Variants in LTBP1 observed in about 807,000 individuals in gnomAD.
The protein encoded by LTBP1 is latent transforming growth factor beta binding protein 1.
In LTBP1, 129 loss-of-function variants were observed where a neutral mutation model predicts 207.6. The observed-to-expected ratio is 0.62, with a 90% CI of 0.54 to 0.72. The LOEUF (loss-of-function observed/expected upper bound fraction) is 0.72. Among genes scored for constraint, LTBP1 ranks in the 30% least tolerant of loss-of-function variants. The probability of loss-of-function intolerance (pLI) is 0.00; values close to 1 mark genes in which losing one functional copy is unlikely to be tolerated. For synonymous variants in LTBP1, 963 were observed against 833.7 expected, an observed-to-expected ratio of 1.16 and a Z score of -2.67; for missense variants, 2,281 against 2,217.2, an observed-to-expected ratio of 1.03 and a Z score of -0.58.
rs1169451763 is a variant in LTBP1, at chr2:33,301,535, C to T, written c.3372C>T (p.Cys1124=). Residue 1124 remains cysteine (C), a synonymous_variant, in exon 22 of 34, where the codon TGC becomes TGT. Transcript: ENST00000404816. ...TCTTGCTCATAGACATTGATGAATG[C>T]CAGCACCGTCATCTCTGTGCTCATG... ...AKDQCEDIDE[C]QHRHLCAHGQ... 2 of 1,598,566 alleles carry T rather than the reference C, an allele frequency of 1.3e-6. No individual in the cohort carries two copies. The highest frequency in any genetic ancestry group is 8.5e-7 in the Non-Finnish European group (1 of 1,174,846).
rs752496081 is a variant in LTBP1 at position 33,300,438 on chromosome 2, G to T, written c.3236-13G>T. ...TCTCTTTTTCAGAAAAATTGCCGTT[G>T]TTGTGTTTGCAGATATTGATGAATG... On this transcript the variant is annotated splice_polypyrimidine_tract_variant and intron_variant, in intron 20 of 33. Transcript: ENST00000404816. 4 of 1,611,522 alleles carry T rather than the reference G, an allele frequency of 2.5e-6. No homozygotes were observed. The highest frequency in any genetic ancestry group is 8.5e-7 in the Non-Finnish European group (1 of 1,178,394).
chr2:33,156,287 A>G (rs941106705), intron 5 of LTBP1, among the ~76,000 whole-genome samples: 2 of 152,194 alleles, frequency 1.3e-5, no homozygotes, highest in African/African-American at 4.8e-5. Context: ...ATGTTGTCTC[A>G]TAGCTAACTC....
At chr2:33,375,700 T>G (rs1266324837) in intron 31 of LTBP1, among the ~76,000 whole-genome samples, 4 of 148,904 alleles carry the variant, frequency 2.7e-5, no homozygotes, top group Non-Finnish European at 5.9e-5. Flanking sequence ...GCTAATTTTT[T>G]TGTATTTTTT....
intron 9 of LTBP1, among the ~76,000 whole-genome samples, chr2:33,224,633 T>G (rs79225012): frequency 6.6e-6 from 1 of 152,202 alleles, no homozygotes; most frequent in East Asian, 1.9e-4. Flanking sequence ...AGATTTCCCA[T>G]TACTACTTTG....
At chr2:32,961,410 T>A (rs543080654) in intron 2 of LTBP1, among the ~76,000 whole-genome samples, 109 of 152,234 alleles carry the variant, frequency 7.2e-4, no homozygotes, top group Admixed American at 1.6e-3. Context: ...GTACTAAATT[T>A]AAAAAAATGT....
intron 2 of LTBP1, among the ~76,000 whole-genome samples, chr2:32,986,784 A>G (rs72791721): frequency 0.097 from 14,739 of 152,190 alleles, 946 homozygotes; most frequent in Non-Finnish European, 0.14. Flanking sequence ...TGTGACATCA[A>G]AATGACACCA....
rs189457011 is a variant in LTBP1 at position 33,394,930 on chromosome 2, T to C, written c.4835-2203T>C. On this transcript the variant is annotated intron_variant, in intron 32 of 33. Coordinates refer to ENST00000404816, the MANE Select transcript of LTBP1 (RefSeq NM_206943.4). The stretch of plus-strand genomic sequence containing the variant: ...TGAGAACATGTGGTATTTGGTATTC[T>C]GTTCCTGCGTTAGTTTGCTAAGGAT... 3.5e-3 allele frequency among the ~76,000 whole-genome samples: 529 copies of C among 152,364 alleles called. 2 individuals are homozygous for C. Among genetic ancestry groups the C allele is most frequent in the Non-Finnish European group, 6.1e-3 (415 of 68,032 alleles).
At chr2:33,020,868 T>C (rs772811612) in intron 2 of LTBP1, 41 bp from the exon 3 acceptor site, 2 of 1,522,946 alleles carry the variant, frequency 1.3e-6, no homozygotes, top group Non-Finnish European at 8.8e-7. Flanking sequence ...AAGTCTACAA[T>C]GTTGTTCTTC....
At chr2:33,075,008 A>G (rs1340189877) in intron 3 of LTBP1, among the ~76,000 whole-genome samples, 1 of 152,158 alleles carries the variant, frequency 6.6e-6, no homozygotes, top group African/African-American at 2.4e-5. Context: ...CTGAGATCAC[A>G]CCACTGCACT....
intron 11 of LTBP1, among the ~76,000 whole-genome samples, chr2:33,255,444 A>G (rs887144449): frequency 2.0e-5 from 3 of 152,120 alleles, no homozygotes; most frequent in African/African-American, 7.2e-5. Flanking sequence ...GGGATCTAGA[A>G]CTAGAAATAC....
At chr2:33,332,521 T>C (rs2094507977) in intron 24 of LTBP1, among the ~76,000 whole-genome samples, 1 of 151,652 alleles carries the variant, frequency 6.6e-6, no homozygotes, top group Non-Finnish European at 1.5e-5. Flanking sequence ...TTCTTAATAG[T>C]TTTTAGCATT....
At chr2:33,305,733 T>G (rs1241054880) in intron 22 of LTBP1, among the ~76,000 whole-genome samples, 3 of 152,042 alleles carry the variant, frequency 2.0e-5, no homozygotes, top group Non-Finnish European at 4.4e-5. Context: ...CCTCCAACAT[T>G]TAGAAGTGAG....
At chr2:33,058,873 A>G (rs1316411832) in intron 3 of LTBP1, among the ~76,000 whole-genome samples, 1 of 152,248 alleles carries the variant, frequency 6.6e-6, no homozygotes, top group African/African-American at 2.4e-5. Context: ...AGTGCTGAAT[A>G]TGACCTGCAC....
chr2:33,361,905 CTG>C (rs1269436909), intron 28 of LTBP1, among the ~76,000 whole-genome samples: 2 of 152,158 alleles, frequency 1.3e-5, no homozygotes, highest in East Asian at 3.8e-4. Flanking sequence ...AATTTGACCA[CTG>C]TTTGTCTTTA....
At position 33,293,202 on chromosome 2, in the gene LTBP1, A is replaced by G. The variant is rs901899980; in HGVS notation, c.3155A>G (p.Asp1052Gly). The G allele has an allele frequency of 6.2e-7, 1 of 1,614,072 alleles. No homozygotes were observed. ...GAACCAAACGTCTGCGCAAATGGTG[A>G]TTGTTCCAACCTTGAAGGCTCCTAC... ...CLEPNVCANGDCSNLEGSYMC... is the reference protein window; with the variant it reads ...CLEPNVCANGGCSNLEGSYMC... The change falls in exon 20 of 34, where the codon GAT (aspartate) becomes GGT (glycine). Residue 1052 changes from aspartate to glycine, a missense_variant. Asp to Gly is a moderately conservative substitution (Grantham distance 94). Around this residue, in one of 3 missense-constraint regions of LTBP1, gnomAD observed 1,671 missense variants for 1,634.8 expected, o/e 1.02. Transcript: ENST00000404816.
chr2:33,393,043 T>TA (rs957671379), intron 32 of LTBP1, among the ~76,000 whole-genome samples: 1 of 151,958 alleles, frequency 6.6e-6, no homozygotes, highest in Non-Finnish European at 1.5e-5. Flanking sequence ...ATTTTTTTTT[T>TA]ATGGTACAAA....
chr2:32,948,909 T>C lies in LTBP1; in HGVS notation c.529T>C (p.Trp177Arg). 2 of 1,614,154 alleles carry C rather than the reference T, an allele frequency of 1.2e-6. No individual in the cohort carries two copies. Among genetic ancestry groups the C allele is most frequent in the Non-Finnish European group, 1.7e-6 (2 of 1,180,030 alleles). Reference sequence around the variant, plus strand: ...CTGTGGAGGGCGGTGCTGTCATGGCTGGAGTAAGGCCCCTGGCTCCCAGAG... The same window carrying C: ...CTGTGGAGGGCGGTGCTGTCATGGCCGGAGTAAGGCCCCTGGCTCCCAGAG... ...NVCGGRCCHGWSKAPGSQRCT... is the reference protein window; with the variant it reads ...NVCGGRCCHGRSKAPGSQRCT... The change falls in exon 2 of 34, where the codon TGG becomes CGG. Residue 177 changes from tryptophan (W) to arginine (R), a missense_variant. Trp to Arg is a moderately radical substitution (Grantham distance 101). Around this residue, in one of 3 missense-constraint regions of LTBP1, gnomAD observed 555 missense variants for 491.0 expected, o/e 1.13. Transcript: ENST00000404816.
chr2:33,217,624 A>C lies in LTBP1; in HGVS notation c.1774A>C (p.Asn592His). 6.2e-7 allele frequency: 1 copy of C among 1,613,786 alleles called. No individual in the cohort carries two copies. Among genetic ancestry groups the C allele is most frequent in the Non-Finnish European group, 8.5e-7 (1 of 1,179,786 alleles). ...AACTGTGGGTACCTCCTGGGGCTTT[A>C]ACAAATGCCAGAAATGCCCCAAGAA... ...CGTVGTSWGF[N>H]KCQKCPKKPS... Residue 592 changes from asparagine (N) to histidine (H), a missense_variant, in exon 8 of 34, where the codon AAC (asparagine) becomes CAC (histidine). Transcript: ENST00000404816.
At chr2:33,208,332 A>G (rs574242922) in intron 7 of LTBP1, among the ~76,000 whole-genome samples, 8 of 152,320 alleles carry the variant, frequency 5.3e-5, no homozygotes, top group African/African-American at 1.7e-4. Context: ...ATCTTGAATC[A>G]TTTCTGAGAT....
Sources: allele counts gnomAD v4.1 joint callset (sites outside exome capture counted in the v4.1 genomes callset), GRCh38; gene constraint gnomAD v4.1.1; regional missense constraint gnomAD v4.1.1; transcripts MANE v1.5; gene names NCBI Gene and HGNC (gene_info 2026-07-23, HGNC 2026-07-21).